The following LIMS1 variants were observed in gnomAD, a reference collection of about 807,000 sequenced individuals.
The protein encoded by LIMS1 is LIM and senescent cell antigen-like-containing domain protein 1.
LIMS1 carries 18 observed loss-of-function variants against 44.1 expected under a neutral mutation model. The observed-to-expected ratio is 0.41, with a 90% CI of 0.28 to 0.61. The LOEUF (loss-of-function observed/expected upper bound fraction) is 0.61, where lower values mean the gene tolerates loss of function less well. Among genes scored for constraint, LIMS1 ranks in the 20% least tolerant of loss-of-function variants. The pLI, the probability that LIMS1 is intolerant of heterozygous loss-of-function variation, is 0.32. For missense variants in LIMS1, 201 were observed against 422.0 expected, an observed-to-expected ratio of 0.48 and a Z score of 4.59; for synonymous variants, 93 against 149.1, an observed-to-expected ratio of 0.62 and a Z score of 2.74.
At chr2:108,662,111 G>T in intron 2 of LIMS1, 1 of 1,593,770 alleles carries the variant, frequency 6.3e-7, no homozygotes, top group South Asian at 1.1e-5. Context: ...CAGAGAAAAA[G>T]ACAGGCTTTG....
At chr2:108,598,573 G>A (rs570986911) in intron 1 of LIMS1, among the ~76,000 whole-genome samples, 1 of 152,330 alleles carries the variant, frequency 6.6e-6, no homozygotes, top group Non-Finnish European at 1.5e-5. Flanking sequence ...CCATCTGGGG[G>A]GTGGTGGGTG....
At chr2:108,556,177 T>C (rs750765469) in intron 1 of LIMS1, among the ~76,000 whole-genome samples, 4 of 152,224 alleles carry the variant, frequency 2.6e-5, no homozygotes, top group Non-Finnish European at 5.9e-5. Context: ...AGGTACGTCA[T>C]ATAAGTAGAA....
In LIMS1 at chr2:108,667,538, T is replaced by TAA. The variant is rs546617468; in HGVS notation, c.193-3230_193-3229dup. On this transcript the variant is annotated intron_variant, in intron 2 of 9. Transcript: ENST00000544547. Reference sequence around the variant, plus strand: ...CAGTGATTATATTTTCAACCTTTTTTAAAAAAAAAAAAAATATATATATAT... The same window carrying TAA: ...CAGTGATTATATTTTCAACCTTTTTTAAAAAAAAAAAAAAAATATATATATAT... 7.8e-4 allele frequency among the ~76,000 whole-genome samples: 100 copies of TAA among 128,544 alleles called. 1 individual carries two copies. The highest frequency in any genetic ancestry group is 2.6e-3 in the African/African-American group (90 of 34,090). The allele number at this position is 128,544 out of a possible 152,430, so 84.3% of individuals were successfully genotyped here.
At chr2:108,669,244 C>T (rs1573602716) in intron 2 of LIMS1, among the ~76,000 whole-genome samples, 1 of 151,644 alleles carries the variant, frequency 6.6e-6, no homozygotes, top group East Asian at 2.0e-4. Flanking sequence ...CCCATCTCTA[C>T]TAAGAATACA....
At chr2:108,543,294 G>T (rs2104572722) in intron 1 of LIMS1, among the ~76,000 whole-genome samples, 1 of 152,298 alleles carries the variant, frequency 6.6e-6, no homozygotes, top group African/African-American at 2.4e-5. Flanking sequence ...AGCTGGGCAT[G>T]GTGGCACGTG....
intron 1 of LIMS1, among the ~76,000 whole-genome samples, chr2:108,641,016 T>C (rs921412218): frequency 6.6e-6 from 1 of 152,206 alleles, no homozygotes; most frequent in Non-Finnish European, 1.5e-5. Context: ...CTTTCACATA[T>C]GAGTGAGAAC....
chr2:108,642,005 C>A (rs575523480), intron 1 of LIMS1, among the ~76,000 whole-genome samples: 1 of 152,274 alleles, frequency 6.6e-6, no homozygotes, highest in South Asian at 2.1e-4. Context: ...ATAGTAGAAA[C>A]AGTTCATTTT....
At chr2:108,616,156 G>C (rs1305822509) in intron 1 of LIMS1, among the ~76,000 whole-genome samples, 1 of 149,332 alleles carries the variant, frequency 6.7e-6, no homozygotes, top group East Asian at 2.0e-4. Context: ...GGTTGTGGAA[G>C]AGGCTGCTGT....
chr2:108,648,072 T>C (rs1690197821), intron 1 of LIMS1, among the ~76,000 whole-genome samples: 1 of 152,234 alleles, frequency 6.6e-6, no homozygotes, highest in South Asian at 2.1e-4. Flanking sequence ...AACCCCATCG[T>C]GTCAGCCCAG....
intron 1 of LIMS1, among the ~76,000 whole-genome samples, chr2:108,612,071 C>A (rs201434003): frequency 7.1e-6 from 1 of 141,512 alleles, no homozygotes; most frequent in Admixed American, 7.2e-5. Context: ...TATATATATA[C>A]ATATATATAT....
chr2:108,604,129 A>T (rs886410991), intron 1 of LIMS1, among the ~76,000 whole-genome samples: 4 of 152,070 alleles, frequency 2.6e-5, no homozygotes, highest in Admixed American at 2.0e-4. Context: ...CCATGTATTT[A>T]TATAGTTTCC....
intron 1 of LIMS1, among the ~76,000 whole-genome samples, chr2:108,534,970 G>T (rs1234750172): frequency 6.6e-6 from 1 of 152,224 alleles, no homozygotes; most frequent in African/African-American, 2.4e-5. Context: ...TGGAATGGTG[G>T]CTATCTCCAT....
At chr2:108,621,117 G>A (rs1352328199) in intron 1 of LIMS1, 9 of 507,998 alleles carry the variant, frequency 1.8e-5, no homozygotes, top group African/African-American at 3.8e-5. Context: ...CTTGGTCACC[G>A]CTTCCCCCCT....
Position 108,587,255 on chromosome 2 carries a change from TAAC to T in LIMS1, c.32+52664_32+52666del, listed in dbSNP as rs1325057459. 7.3e-5 allele frequency among the ~76,000 whole-genome samples: 11 copies of T among 151,398 alleles called. No individual in the cohort carries two copies. In the East Asian group the frequency reaches 1.9e-3, roughly 27 times the overall value. ...GCTAGTACCCAGTCTCAGTGTTGGA[TAAC>T]AAGCAAAAGTGATGAGTTGTTTTCT... On this transcript the variant is annotated intron_variant, in intron 1 of 9. Coordinates refer to ENST00000544547, the Ensembl canonical transcript of LIMS1.
intron 1 of LIMS1, among the ~76,000 whole-genome samples, chr2:108,557,222 C>T (rs1428657267): frequency 5.9e-5 from 9 of 151,838 alleles, no homozygotes; most frequent in African/African-American, 1.9e-4. Flanking sequence ...GGACCACAGG[C>T]GCACACTACC....
chr2:108,671,397 C>T (rs1344304026), intron 3 of LIMS1, among the ~76,000 whole-genome samples: 4 of 152,144 alleles, frequency 2.6e-5, no homozygotes, highest in Non-Finnish European at 4.4e-5. Context: ...GGACTCCTAT[C>T]GGGTGGCGTT....
chr2:108,672,891 G>A (rs1475566805), exon 5 of LIMS1: 6 of 816,632 alleles, frequency 7.3e-6, no homozygotes, highest in Admixed American at 6.5e-5. Context: ...CACCTGTGTC[G>A]CCCCTGTCAT....
chr2:108,682,455 G>A (rs556615738), intron 9 of LIMS1, among the ~76,000 whole-genome samples: 3 of 152,130 alleles, frequency 2.0e-5, no homozygotes, highest in Non-Finnish European at 4.4e-5. Flanking sequence ...AGCCGAGATC[G>A]TGCCACTGCA....
At chr2:108,602,825 G>A (rs971924433) in intron 1 of LIMS1, among the ~76,000 whole-genome samples, 1 of 152,138 alleles carries the variant, frequency 6.6e-6, no homozygotes, top group Non-Finnish European at 1.5e-5. Context: ...GGAGTGAGTA[G>A]TGCAATCATG....
Sources: gnomAD v4.1 joint callset for allele counts (sites outside exome capture counted in the v4.1 genomes callset) on GRCh38, gnomAD v4.1.1 for gene constraint, MANE v1.5 for transcripts, NCBI Gene and HGNC (gene_info 2026-07-23, HGNC 2026-07-21) for gene names.